The following OTOG variants were observed in gnomAD, a reference collection of about 807,000 sequenced individuals.
OTOG encodes the protein otogelin.
OTOG carries 296 observed loss-of-function variants against 313.8 expected under a neutral mutation model. That is an observed-to-expected ratio of 0.94 (90% CI 0.86 to 1.04). OTOG has a LOEUF of 1.04. Ranked by LOEUF, OTOG falls within the 50% of genes least tolerant of loss-of-function variation. The probability of loss-of-function intolerance (pLI) is 0.00; values close to 1 mark genes in which losing one functional copy is unlikely to be tolerated. For synonymous variants in OTOG, 1,533 were observed against 1,554.9 expected, an observed-to-expected ratio of 0.99 and a Z score of 0.33; for missense variants, 3,948 against 3,840.1, an observed-to-expected ratio of 1.03 and a Z score of -0.74.
intron 54 of OTOG, among the ~76,000 whole-genome samples, chr11:17,643,745 A>G: frequency 6.6e-6 from 1 of 152,216 alleles, no homozygotes; most frequent in African/African-American, 2.4e-5. Context: ...TTCTTGTCAC[A>G]GCCAGAGGAC....
rs1280524986 is a variant in OTOG at position 17,645,799 on chromosome 11, A to T, written c.8597A>T (p.Asn2866Ile). 1 of 1,550,930 alleles carries T rather than the reference A, an allele frequency of 6.4e-7. No homozygotes were observed. The highest frequency in any genetic ancestry group is 8.7e-7 in the Non-Finnish European group (1 of 1,147,104). The change falls in exon 56 of 56, where the codon AAC becomes ATC. Residue 2866 changes from asparagine to isoleucine, a missense_variant. Coordinates refer to ENST00000399397, the MANE Select transcript of OTOG (RefSeq NM_001292063.2). ...CCATCCGCCAGCATCTACAACTACA[A>T]CATCAACACCTATGCCCGATTCTGC... ...RCPSASIYNY[N>I]INTYARFCKC...
chr11:17,557,150 G>T lies in OTOG; in HGVS notation c.692G>T (p.Arg231Leu), dbSNP rs753472595. ...VQLPHVMGSA[R>L]LQQLAGYVIV... ...CTGCCACATGTCATGGGGAGCGCGC[G>T]TCTGCAGCAGCTTGCCGGCTATGTC... is the stretch of plus-strand genomic sequence containing the variant. Residue 231 changes from arginine to leucine, a missense_variant, in exon 8 of 56, where the codon CGT becomes CTT. By Grantham distance (102) the Arg-to-Leu change is moderately radical. Transcript: ENST00000399397. 2.6e-6 allele frequency: 4 copies of T among 1,550,502 alleles called. No homozygotes were observed. Among genetic ancestry groups the T allele is most frequent in the Non-Finnish European group, 2.6e-6 (3 of 1,147,008 alleles).
At chr11:17,615,508 G>A (rs1207813123) in intron 39 of OTOG, among the ~76,000 whole-genome samples, 1 of 152,028 alleles carries the variant, frequency 6.6e-6, no homozygotes, top group East Asian at 1.9e-4. Context: ...TTGCATTTTA[G>A]GTTAATTTTT....
chr11:17,638,544 C>G lies in OTOG; in HGVS notation c.7889C>G (p.Ser2630Cys). The G allele has an allele frequency of 6.5e-7, 1 of 1,550,320 alleles. No individual in the cohort carries two copies. The highest frequency in any genetic ancestry group is 8.7e-7 in the Non-Finnish European group (1 of 1,146,848). The change falls in exon 48 of 56, where the codon TCC becomes TGC. Residue 2630 changes from serine (S) to cysteine (C), a missense_variant. Coordinates refer to ENST00000399397, the MANE Select transcript of OTOG (RefSeq NM_001292063.2). Reference sequence around the variant, plus strand: ...CCCGACCGCTGCTGCCCCTACAAATCCTGTGGTGAGTCCGTGGTCAGGACA... The same window carrying G: ...CCCGACCGCTGCTGCCCCTACAAATGCTGTGGTGAGTCCGTGGTCAGGACA... ...WSPDRCCPYK[S>C]CECDCDTIPV...
chr11:17,588,768 T>C (rs907745232), intron 24 of OTOG, among the ~76,000 whole-genome samples: 1 of 152,100 alleles, frequency 6.6e-6, no homozygotes, highest in African/African-American at 2.4e-5. Context: ...CTTCCAAAGA[T>C]CTTTCTCCAC....
Position 17,576,821 on chromosome 11 carries a change from C to T in OTOG, c.2562-47C>T, listed in dbSNP as rs950398611. The T allele has an allele frequency of 2.2e-5, 34 of 1,547,178 alleles. No individual in the cohort carries two copies. The African/African-American group carries it at 3.6e-4, about 16-fold the overall frequency. On this transcript the variant is annotated intron_variant, in intron 21 of 55. Transcript: ENST00000399397. The stretch of plus-strand genomic sequence containing the variant: ...TGCAGCAACATGGGGTGTCTGGGTC[C>T]TGCAGTGACTGGGTCGGCTAACCCC...
intron 32 of OTOG, among the ~76,000 whole-genome samples, chr11:17,604,535 C>T (rs563206969): frequency 1.2e-3 from 185 of 152,324 alleles, no homozygotes; most frequent in African/African-American, 4.3e-3. Flanking sequence ...CTCCCTCATC[C>T]GCCGTCAGTG....
At chr11:17,575,398 C>A (rs984378754) in intron 20 of OTOG, among the ~76,000 whole-genome samples, 4 of 152,134 alleles carry the variant, frequency 2.6e-5, no homozygotes, top group Admixed American at 1.3e-4. Flanking sequence ...GAGTCCCATT[C>A]CTGGTGTGTT....
At chr11:17,585,836 T>C (rs958057206) in intron 23 of OTOG, among the ~76,000 whole-genome samples, 1 of 152,354 alleles carries the variant, frequency 6.6e-6, no homozygotes, top group East Asian at 1.9e-4. Flanking sequence ...GTGCTTGTAT[T>C]CTTTTGAAAA....
At chr11:17,556,581 T>C (rs1257358482) in intron 7 of OTOG, among the ~76,000 whole-genome samples, 1 of 152,222 alleles carries the variant, frequency 6.6e-6, no homozygotes, top group Non-Finnish European at 1.5e-5. Context: ...TGATGGCCTA[T>C]AGGTTTCTCC....
At chr11:17,558,908 T>C (rs1852114813) in intron 10 of OTOG, 144 bp from the exon 11 acceptor site, 5 of 750,560 alleles carry the variant, frequency 6.7e-6, no homozygotes, top group African/African-American at 1.7e-5. Context: ...AGGGATCTGT[T>C]CACCTAGATG....
In OTOG at chr11:17,609,830, C is replaced by T. The variant is rs978084016; in HGVS notation, c.4530C>T (p.Asn1510=). 26 of 1,530,390 alleles carry T rather than the reference C, an allele frequency of 1.7e-5. No homozygotes were observed. In the African/African-American group the frequency reaches 2.1e-4, roughly 12 times the overall value. 94.8% of individuals were successfully genotyped at this position (1,530,390 alleles called of 1,614,324 possible). ...TPAAPLTTAL[N]PPVTATEEPV... ...CTGCCCCACTCACCACAGCCCTGAA[C>T]CCACCAGTGACAGCCACTGAGGAGC... Residue 1510 remains asparagine, a synonymous_variant, in exon 36 of 56, where the codon AAC becomes AAT. Transcript: ENST00000399397.
At chr11:17,614,698 C>G (rs1853680822) in intron 39 of OTOG, among the ~76,000 whole-genome samples, 1 of 152,168 alleles carries the variant, frequency 6.6e-6, no homozygotes, top group South Asian at 2.1e-4. Flanking sequence ...TGACATTCAT[C>G]CACATTGTTG....
At chr11:17,569,123 A>G in intron 15 of OTOG, 33 bp from the exon 16 acceptor site, 4 of 1,550,168 alleles carry the variant, frequency 2.6e-6, no homozygotes, top group Non-Finnish European at 3.5e-6. Flanking sequence ...GGGTCAGACC[A>G]ACACTGCCCC....
In OTOG at chr11:17,574,595, T is replaced by A. The variant is rs964914376; in HGVS notation, c.2294-125T>A. ...TCCTGCCTCTGACCTTGACCTGCTGTGTGACCTCAGACAAATGTCTGAACT... is the reference window on the plus strand; with the variant it reads ...TCCTGCCTCTGACCTTGACCTGCTGAGTGACCTCAGACAAATGTCTGAACT... On this transcript the variant is annotated intron_variant, in intron 19 of 55. Transcript: ENST00000399397. 10 of 983,280 alleles carry A rather than the reference T, an allele frequency of 1.0e-5. No individual in the cohort carries two copies. The Admixed American group carries it at 2.8e-4, about 27-fold the overall frequency. 60.9% of individuals were successfully genotyped at this position (983,280 alleles called of 1,614,324 possible).
chr11:17,611,491 C>A, intron 36 of OTOG, 68 bp downstream of exon 36: 1 of 1,396,122 alleles, frequency 7.2e-7, no homozygotes, highest in Non-Finnish European at 9.6e-7. Flanking sequence ...CTCTTCCCTG[C>A]TAGATGGAGT....
chr11:17,594,821 C>A (rs1483834559), intron 28 of OTOG, among the ~76,000 whole-genome samples: 1 of 152,070 alleles, frequency 6.6e-6, no homozygotes, highest in Non-Finnish European at 1.5e-5. Flanking sequence ...CATTCCTCTG[C>A]AGAGAGGGGA....
intron 39 of OTOG, among the ~76,000 whole-genome samples, chr11:17,625,853 T>C (rs901278718): frequency 1.1e-4 from 16 of 152,300 alleles, no homozygotes; most frequent in Admixed American, 6.5e-4. Context: ...GCTTTTGGGG[T>C]ATTATTCAAG....
At chr11:17,602,670 GCTC>G (rs1267480048) in intron 32 of OTOG, among the ~76,000 whole-genome samples, 2 of 152,020 alleles carry the variant, frequency 1.3e-5, no homozygotes, top group Non-Finnish European at 2.9e-5. Flanking sequence ...CCCTCCTCAT[GCTC>G]CTCCTCCTCC....
Sources: gnomAD v4.1 joint callset for allele counts (sites outside exome capture counted in the v4.1 genomes callset) on GRCh38, gnomAD v4.1.1 for gene constraint, MANE v1.5 for transcripts, NCBI Gene and HGNC (gene_info 2026-07-23, HGNC 2026-07-21) for gene names.